Variants in NKAIN3 observed in about 807,000 individuals in gnomAD.
The protein encoded by NKAIN3 is sodium/potassium transporting ATPase interacting 3.
In NKAIN3, 25 loss-of-function variants were observed where a neutral mutation model predicts 30.2. That is an observed-to-expected ratio of 0.83 (90% confidence interval 0.60 to 1.16). The LOEUF is 1.16. Ranked by LOEUF, NKAIN3 falls within the 50% of genes most tolerant of loss-of-function variation. The pLI is 0.00. For missense variants in NKAIN3, 225 were observed against 254.1 expected (o/e 0.89, Z 0.78); for synonymous variants, 91 against 89.6 (o/e 1.02, Z -0.09).
chr8:62,777,091 G>A (rs922695171), intron 4 of NKAIN3, among the ~76,000 whole-genome samples: 1 of 152,158 alleles, frequency 6.6e-6, no homozygotes, highest in African/African-American at 2.4e-5. Context: ...TTCATTTCAT[G>A]TTATTTGTTT....
intron 1 of NKAIN3, among the ~76,000 whole-genome samples, chr8:62,287,416 A>C (rs1813413834): frequency 6.6e-6 from 1 of 152,050 alleles, no homozygotes; most frequent in Non-Finnish European, 1.5e-5. Context: ...GCAACACAAC[A>C]ATCTCTGAGC....
At chr8:62,537,104 A>G (rs1808688841) in intron 1 of NKAIN3, among the ~76,000 whole-genome samples, 1 of 152,212 alleles carries the variant, frequency 6.6e-6, no homozygotes, top group African/African-American at 2.4e-5. Flanking sequence ...TTACTTTGGG[A>G]TACATTCTGG....
In NKAIN3 at chr8:62,959,994, T is replaced by C. The variant is rs143663465; in HGVS notation, c.604-5360T>C. On this transcript the variant is annotated intron_variant, in intron 6 of 6. Transcript: ENST00000623646. Reference sequence around the variant, plus strand: ...CTAGCTTTGGACCTCTTTCCCTTTGTCACTGACATTAATAACTTTTTGATG... The same window carrying C: ...CTAGCTTTGGACCTCTTTCCCTTTGCCACTGACATTAATAACTTTTTGATG... Among the ~76,000 whole-genome samples, 317 of 152,332 alleles carry C rather than the reference T, an allele frequency of 2.1e-3. 2 individuals are homozygous for C. The highest frequency in any genetic ancestry group is 6.8e-3 in the Middle Eastern group (2 of 294).
At chr8:62,800,320 G>C (rs1349621563) in intron 4 of NKAIN3, among the ~76,000 whole-genome samples, 1 of 152,168 alleles carries the variant, frequency 6.6e-6, no homozygotes, top group Non-Finnish European at 1.5e-5. Flanking sequence ...ATTACTCGTG[G>C]AGGGGTTCAT....
chr8:62,591,869 C>T (rs574330479), intron 3 of NKAIN3, among the ~76,000 whole-genome samples: 12 of 152,016 alleles, frequency 7.9e-5, no homozygotes, highest in African/African-American at 2.4e-4. Context: ...GTTAAGGACC[C>T]TTGACAAACA....
At chr8:62,695,807 C>CT (rs940413195) in intron 3 of NKAIN3, among the ~76,000 whole-genome samples, 14 of 152,138 alleles carry the variant, frequency 9.2e-5, no homozygotes, top group Non-Finnish European at 2.1e-4. Flanking sequence ...TGACATATGT[C>CT]TAAGAGCACT....
intron 5 of NKAIN3, among the ~76,000 whole-genome samples, chr8:62,919,223 C>CA (rs536619726): frequency 2.4e-4 from 21 of 89,302 alleles, no homozygotes; most frequent in African/African-American, 8.1e-4. Flanking sequence ...TATTTACTTT[C>CA]AAAATTTTTT....
chr8:62,458,697 A>G (rs907846048), intron 1 of NKAIN3, among the ~76,000 whole-genome samples: 2 of 152,234 alleles, frequency 1.3e-5, no homozygotes, highest in Non-Finnish European at 2.9e-5. Context: ...TAAGGACTGG[A>G]AAACCTTCAC....
At chr8:62,322,570 G>T (rs754437135) in intron 1 of NKAIN3, among the ~76,000 whole-genome samples, 18 of 152,290 alleles carry the variant, frequency 1.2e-4, no homozygotes, top group South Asian at 8.3e-4. Flanking sequence ...AATGCTTCTG[G>T]TTCCAAGCAT....
chr8:62,998,252 CTT>C (rs1804169480), intron 5 of NKAIN3, among the ~76,000 whole-genome samples: 1 of 151,740 alleles, frequency 6.6e-6, no homozygotes, highest in Non-Finnish European at 1.5e-5. Flanking sequence ...AGTCATTTTT[CTT>C]TCTCTCTCTC....
At chr8:62,404,000 C>T (rs1044667598) in intron 1 of NKAIN3, among the ~76,000 whole-genome samples, 4 of 152,258 alleles carry the variant, frequency 2.6e-5, no homozygotes, top group Non-Finnish European at 5.9e-5. Context: ...CTTGCAACAG[C>T]ATGCCCTGGA....
At chr8:62,540,629 A>T (rs1032501746) in intron 1 of NKAIN3, among the ~76,000 whole-genome samples, 1 of 152,178 alleles carries the variant, frequency 6.6e-6, no homozygotes, top group African/African-American at 2.4e-5. Context: ...CTGGCTTAAA[A>T]TAGAGAGTTT....
intron 2 of NKAIN3, among the ~76,000 whole-genome samples, chr8:62,584,309 G>T (rs1158421994): frequency 6.6e-6 from 1 of 152,142 alleles, no homozygotes; most frequent in Admixed American, 6.6e-5. Context: ...CTCACGCAGA[G>T]ATTAATAAAA....
chr8:62,519,576 A>T (rs1002368117), intron 1 of NKAIN3, among the ~76,000 whole-genome samples: 23 of 152,278 alleles, frequency 1.5e-4, no homozygotes, highest in African/African-American at 5.5e-4. Flanking sequence ...TTTTAACTTA[A>T]AGTGATAGAA....
Position 62,421,937 on chromosome 8 carries a change from C to T in NKAIN3, c.55-157602C>T, listed in dbSNP as rs1804654202. ...GGGATTCAAACTCAAGCCTCCAGGG[C>T]TCTGACTCCTCATCACTGCACACAG... On this transcript the variant is annotated intron_variant, in intron 1 of 6. Transcript: ENST00000623646. Among the ~76,000 whole-genome samples the T allele has an allele frequency of 2.0e-5, 3 of 152,010 alleles. No homozygotes were observed. The South Asian group carries it at 6.2e-4, about 32-fold the overall frequency.
intron 3 of NKAIN3, among the ~76,000 whole-genome samples, chr8:62,622,271 C>T (rs1343231415): frequency 1.3e-5 from 2 of 151,924 alleles, no homozygotes; most frequent in Non-Finnish European, 2.9e-5. Context: ...TTTGTGTGAA[C>T]CTAAGTTTTT....
At chr8:62,697,546 A>G (rs1814199824) in intron 3 of NKAIN3, among the ~76,000 whole-genome samples, 2 of 151,896 alleles carry the variant, frequency 1.3e-5, no homozygotes, top group African/African-American at 2.4e-5. Flanking sequence ...TTACTTTCTC[A>G]CATTCTTCAT....
intron 4 of NKAIN3, among the ~76,000 whole-genome samples, chr8:62,747,628 C>G (rs971256643): frequency 2.0e-5 from 3 of 152,150 alleles, no homozygotes; most frequent in African/African-American, 7.2e-5. Context: ...ATTCCATATA[C>G]AGAAACGAGA....
intron 4 of NKAIN3, among the ~76,000 whole-genome samples, chr8:62,861,955 G>T (rs530646485): frequency 3.4e-4 from 52 of 152,286 alleles, no homozygotes; most frequent in African/African-American, 1.1e-3. Context: ...TAACTAGCCA[G>T]AATCATGAAA....
Sources: allele counts gnomAD v4.1 joint callset (sites outside exome capture counted in the v4.1 genomes callset), GRCh38; gene constraint gnomAD v4.1.1; transcripts MANE v1.5; gene names NCBI Gene and HGNC (gene_info 2026-07-23, HGNC 2026-07-21).